METTL5: variants seen among roughly 807,000 people sequenced by gnomAD.
METTL5 encodes methyltransferase 5, N6-adenosine, also known as rRNA N(6)-adenosine-methyltransferase METTL5.
Under a neutral mutation model 26.5 loss-of-function variants are expected in METTL5, and 28 were observed. The ratio of observed to expected loss-of-function variants is 1.06; its 90% CI spans 0.78 to 1.45. The LOEUF (loss-of-function observed/expected upper bound fraction) is 1.45. Among genes scored for constraint, METTL5 ranks in the 40% most tolerant of loss-of-function variants. The pLI, the probability that METTL5 is intolerant of heterozygous loss-of-function variation, is 0.00. For synonymous variants in METTL5, 86 were observed against 82.6 expected, an observed-to-expected ratio of 1.04 and a Z score of -0.22; for missense variants, 231 against 249.9, an observed-to-expected ratio of 0.92 and a Z score of 0.51.
chr2:169,818,054 T>C (rs1184150954), intron 4 of METTL5, among the ~76,000 whole-genome samples: 5 of 148,446 alleles, frequency 3.4e-5, no homozygotes, highest in African/African-American at 1.2e-4. Context: ...CACTCCCTAC[T>C]CCCTTAATAA....
In METTL5 at chr2:169,817,271, AAGTC is replaced by A. The variant is rs1297782034; in HGVS notation, c.490-1747_490-1744del. 7.9e-5 allele frequency among the ~76,000 whole-genome samples: 12 copies of A among 152,332 alleles called. No individual in the cohort carries two copies. The East Asian group carries it at 2.3e-3, about 29-fold the overall frequency. ...ACCAGTTAGAATGGCAATCATTAAA[AAGTC>A]AGGAAACAACAGATGCTGGAGAGGA... On this transcript the variant is annotated intron_variant, in intron 4 of 6. Transcript: ENST00000260953.
At chr2:169,817,407 T>C (rs1013558519) in intron 4 of METTL5, among the ~76,000 whole-genome samples, 2 of 152,178 alleles carry the variant, frequency 1.3e-5, no homozygotes, top group Admixed American at 6.5e-5. Context: ...GAAATACCAT[T>C]TGACCCAGCC....
intron 2 of METTL5, among the ~76,000 whole-genome samples, chr2:169,821,699 T>G (rs1341445039): frequency 6.6e-6 from 1 of 152,204 alleles, no homozygotes; most frequent in Non-Finnish European, 1.5e-5. Context: ...TGTAACAGCA[T>G]AATTTCCAAA....
chr2:169,820,603 C>A (rs1043021749), intron 3 of METTL5, among the ~76,000 whole-genome samples: 13 of 152,172 alleles, frequency 8.5e-5, no homozygotes, highest in Admixed American at 5.2e-4. Flanking sequence ...AAGAACTATA[C>A]AAATAAGAGA....
intron 3 of METTL5, among the ~76,000 whole-genome samples, chr2:169,820,513 C>T (rs1373737080): frequency 6.6e-6 from 1 of 152,136 alleles, no homozygotes; most frequent in Non-Finnish European, 1.5e-5. Flanking sequence ...TCTTTGTTTA[C>T]TTAATACAAA....
At chr2:169,812,650 G>A (rs1690011740) in intron 5 of METTL5, 144 bp from the exon 6 acceptor site, 1 of 815,136 alleles carries the variant, frequency 1.2e-6, no homozygotes, top group East Asian at 2.8e-5. Flanking sequence ...TATCCAAGTA[G>A]TGACTTCTGT....
chr2:169,811,972 AG>A, intron 6 of METTL5, 114 bp from the exon 7 acceptor site: 2 of 1,224,126 alleles, frequency 1.6e-6, no homozygotes, highest in Non-Finnish European at 2.3e-6. Flanking sequence ...AAATATCAAA[AG>A]GAAGATTCTT....
intron 5 of METTL5, chr2:169,812,991 C>G (rs1690024694): frequency 1.3e-5 from 2 of 153,246 alleles, no homozygotes; most frequent in Non-Finnish European, 2.9e-5. Context: ...TACTACTGAT[C>G]TATTTTAGAG....
intron 4 of METTL5, 119 bp downstream of exon 4, chr2:169,819,442 C>A: frequency 1.5e-6 from 1 of 659,748 alleles, no homozygotes; most frequent in Non-Finnish European, 2.4e-6. Flanking sequence ...TTAAGTTTCA[C>A]ATGTCAAAAT....
chr2:169,812,574 C>G lies in METTL5; in HGVS notation c.542-68G>C, dbSNP rs774879308. The stretch of plus-strand genomic sequence containing the variant: ...GCGTTTACCACCCTTGACTAAACAA[C>G]AACAACAACAAAAACTAAGAAAAGT... On this transcript the variant is annotated intron_variant, in intron 5 of 6. Coordinates refer to ENST00000260953, the MANE Select transcript of METTL5 (RefSeq NM_014168.4). 2.6e-6 allele frequency: 4 copies of G among 1,511,522 alleles called. No individual in the cohort carries two copies. The South Asian group carries it at 3.7e-5, about 14-fold the overall frequency. The allele number at this position is 1,511,522 out of a possible 1,614,324, so 93.6% of individuals were successfully genotyped here. A position where few individuals can be genotyped will look rare whatever the true frequency, so the allele number is the denominator to read the frequency against.
intron 3 of METTL5, among the ~76,000 whole-genome samples, chr2:169,820,326 C>T (rs182191821): frequency 6.6e-6 from 1 of 152,306 alleles, no homozygotes; most frequent in East Asian, 1.9e-4. Context: ...ACAAAATTAA[C>T]AGCCACGGTG....
At position 169,824,780 on chromosome 2, in the gene METTL5, A is replaced by C; in HGVS notation, c.-183T>G. The stretch of plus-strand genomic sequence containing the variant: ...AGGGCACGGGGCGAGCCTCTGACCC[A>C]CCTCCCGGCTAACCCAAGCCGCCCC... On this transcript the variant is annotated 5_prime_UTR_variant, in exon 1 of 7. Coordinates refer to ENST00000260953, the MANE Select transcript of METTL5 (RefSeq NM_014168.4). The C allele has an allele frequency of 3.8e-6, 2 of 526,888 alleles. No homozygotes were observed. Among genetic ancestry groups the C allele is most frequent in the Non-Finnish European group, 3.4e-6 (1 of 292,310 alleles). The allele number at this position is 526,888 out of a possible 1,614,324, so 32.6% of individuals were successfully genotyped here.
At chr2:169,822,234 C>G (rs1010817028) in intron 1 of METTL5, among the ~76,000 whole-genome samples, 177 bp from the exon 2 acceptor site, 1 of 152,008 alleles carries the variant, frequency 6.6e-6, no homozygotes, top group Non-Finnish European at 1.5e-5. Context: ...GTAAGAGGCA[C>G]CATAAAGGAA....
At chr2:169,812,200 A>C (rs905735147) in intron 6 of METTL5, 15 of 598,442 alleles carry the variant, frequency 2.5e-5, no homozygotes, top group Non-Finnish European at 3.4e-5. Context: ...TACACAGGAA[A>C]GTTGGTAACA....
intron 5 of METTL5, 43 bp from the exon 6 acceptor site, chr2:169,812,549 G>A: frequency 1.2e-6 from 2 of 1,601,152 alleles, no homozygotes; most frequent in South Asian, 2.2e-5. Context: ...GTATTTCCAA[G>A]CGTTTACCAC....
At chr2:169,819,977 T>G (rs2081562066) in intron 3 of METTL5, among the ~76,000 whole-genome samples, 1 of 150,622 alleles carries the variant, frequency 6.6e-6, no homozygotes, top group Non-Finnish European at 1.5e-5. Context: ...TGTCTTTTTT[T>G]TTTTTGTTTC....
intron 1 of METTL5, among the ~76,000 whole-genome samples, chr2:169,823,143 G>A (rs547085422): frequency 6.6e-6 from 1 of 152,038 alleles, no homozygotes; most frequent in Admixed American, 6.6e-5. Context: ...TACCACACTA[G>A]GCTAATTTTT....
chr2:169,817,380 T>TC (rs1388863397), intron 4 of METTL5, among the ~76,000 whole-genome samples: 1 of 152,188 alleles, frequency 6.6e-6, no homozygotes, highest in East Asian at 1.9e-4. Flanking sequence ...TGGAGATTCT[T>TC]CAACGATCTA....
At position 169,819,642 on chromosome 2, in the gene METTL5, C is replaced by G. The variant is rs148431264; in HGVS notation, c.408G>C (p.Gly136=). Reference sequence around the variant, plus strand: ...CAGTCTTTAGAAAAGCCATATCTGTCCCTGTGAAGAGTAGAAAAAAAGCTC... The same window carrying G: ...CAGTCTTTAGAAAAGCCATATCTGTGCCTGTGAAGAGTAGAAAAAAAGCTC... ...NPPFGTKNNK[G]TDMAFLKTAL... The change falls in exon 4 of 7, where the codon GGG becomes GGC. Residue 136 remains glycine, a splice_region_variant and synonymous_variant. Coordinates refer to ENST00000260953, the MANE Select transcript of METTL5 (RefSeq NM_014168.4). The G allele has an allele frequency of 3.1e-6, 5 of 1,608,894 alleles. No homozygotes were observed. In the African/African-American group the frequency reaches 6.7e-5, roughly 22 times the overall value.
Sources: gnomAD v4.1 joint callset for allele counts (sites outside exome capture counted in the v4.1 genomes callset) on GRCh38, gnomAD v4.1.1 for gene constraint, MANE v1.5 for transcripts, NCBI Gene and HGNC (gene_info 2026-07-23, HGNC 2026-07-21) for gene names.